STK3: variants seen among roughly 807,000 people sequenced by gnomAD.
The protein encoded by STK3 is serine/threonine kinase 3, also known as serine/threonine-protein kinase 3.
A neutral mutation model predicts 58.0 loss-of-function variants in STK3; 41 were observed. The observed-to-expected ratio is 0.71, with a 90% CI of 0.55 to 0.92. The LOEUF is 0.92. Ranked by LOEUF, STK3 falls within the 40% of genes least tolerant of loss-of-function variation. The pLI, the probability that STK3 is intolerant of heterozygous loss-of-function variation, is 0.00. For synonymous variants in STK3, 170 were observed against 191.0 expected, an observed-to-expected ratio of 0.89 and a Z score of 0.91; for missense variants, 479 against 602.7, an observed-to-expected ratio of 0.79 and a Z score of 2.15.
chr8:98,738,643 C>T (rs1313461774), intron 4 of STK3, among the ~76,000 whole-genome samples: 1 of 152,198 alleles, frequency 6.6e-6, no homozygotes, highest in African/African-American at 2.4e-5. Context: ...CTCTGGTCTA[C>T]AGCTCCCAGC....
chr8:98,365,315 A>T, the STK3 span, among the ~76,000 whole-genome samples: 2 of 152,192 alleles, frequency 1.3e-5, no homozygotes, highest in Non-Finnish European at 2.9e-5. Flanking sequence ...AAGCCAGGGG[A>T]AGAAAAGACA....
At chr8:98,610,865 G>A (rs983268063) in intron 6 of STK3, among the ~76,000 whole-genome samples, 1 of 152,150 alleles carries the variant, frequency 6.6e-6, no homozygotes, top group African/African-American at 2.4e-5. Context: ...CCTGATTCGA[G>A]TTAAAATATT....
At chr8:98,350,997 G>T in the STK3 span, among the ~76,000 whole-genome samples, 1 of 152,130 alleles carries the variant, frequency 6.6e-6, no homozygotes, top group Non-Finnish European at 1.5e-5. Context: ...GAAAAAGAAA[G>T]AAAATTAGAT....
intron 3 of STK3, among the ~76,000 whole-genome samples, chr8:98,406,168 A>G (rs1047155656): frequency 1.3e-5 from 2 of 152,206 alleles, no homozygotes; most frequent in African/African-American, 2.4e-5. Context: ...GACACACAAT[A>G]AACATCCAGT....
At chr8:98,422,771 G>T (rs921604436) in intron 3 of STK3, among the ~76,000 whole-genome samples, 1 of 152,140 alleles carries the variant, frequency 6.6e-6, no homozygotes, top group Admixed American at 6.5e-5. Flanking sequence ...ACTGACCGCC[G>T]GGTGCAGACT....
intron 1 of STK3, among the ~76,000 whole-genome samples, chr8:98,820,328 T>G (rs180870632): frequency 6.6e-6 from 1 of 152,196 alleles, no homozygotes; most frequent in Non-Finnish European, 1.5e-5. Context: ...TATGCTTCAA[T>G]AGCTTATTCT....
intron 3 of STK3, among the ~76,000 whole-genome samples, chr8:98,760,468 C>A (rs115440051): frequency 1.3e-5 from 2 of 152,100 alleles, no homozygotes; most frequent in Admixed American, 6.6e-5. Context: ...GAGGAGTAAG[C>A]AGCTATGTCT....
At chr8:98,913,367 C>G (rs1460751335) in intron 1 of STK3, among the ~76,000 whole-genome samples, 1 of 152,204 alleles carries the variant, frequency 6.6e-6, no homozygotes, top group Non-Finnish European at 1.5e-5. Context: ...ATAAAAACTT[C>G]TATAAAAGAG....
chr8:98,716,448 A>G (rs1292756822), intron 4 of STK3, among the ~76,000 whole-genome samples: 3 of 152,128 alleles, frequency 2.0e-5, no homozygotes, highest in Admixed American at 2.0e-4. Context: ...TAAAGAATAA[A>G]ATACTTAGGA....
At chr8:98,481,106 C>T (rs559453582) in intron 10 of STK3, among the ~76,000 whole-genome samples, 23 of 151,510 alleles carry the variant, frequency 1.5e-4, no homozygotes, top group South Asian at 8.3e-4. Flanking sequence ...TCTTTTGATA[C>T]GAAAAAAAGT....
chr8:98,456,795 T>A (rs1819523788), intron 10 of STK3, among the ~76,000 whole-genome samples: 1 of 152,248 alleles, frequency 6.6e-6, no homozygotes, highest in Admixed American at 6.5e-5. Flanking sequence ...TAATTGCCTT[T>A]GGTTATTTTA....
intron 6 of STK3, among the ~76,000 whole-genome samples, chr8:98,664,779 A>G (rs1222496280): frequency 6.6e-6 from 1 of 152,134 alleles, no homozygotes. Context: ...TACTGCCTAT[A>G]ATCCCAGCTA....
chr8:98,903,609 T>C (rs1838770300), intron 1 of STK3, among the ~76,000 whole-genome samples: 1 of 149,562 alleles, frequency 6.7e-6, no homozygotes, highest in Admixed American at 6.8e-5. Flanking sequence ...TGGAGTGCAG[T>C]GACACAATAG....
intron 1 of STK3, chr8:98,782,630 A>T: frequency 4.5e-6 from 1 of 223,892 alleles, no homozygotes; most frequent in Non-Finnish European, 9.2e-6. Flanking sequence ...GAGGAAATAA[A>T]GCTCCCCTTC....
At chr8:98,858,351 G>GAGAC (rs1836784100) in intron 3 of STK3, among the ~76,000 whole-genome samples, 2 of 137,342 alleles carry the variant, frequency 1.5e-5, no homozygotes, top group African/African-American at 2.7e-5. Flanking sequence ...GAGAGAGAGA[G>GAGAC]AGAGAGAGAC....
chr8:98,620,506 G>T (rs1344227678), intron 6 of STK3, among the ~76,000 whole-genome samples: 2 of 144,818 alleles, frequency 1.4e-5, no homozygotes, highest in Non-Finnish European at 1.5e-5. Context: ...AAATAAAAAG[G>T]TCAACATCAA....
chr8:98,628,598 A>G (rs961497829), intron 6 of STK3, among the ~76,000 whole-genome samples: 1 of 152,034 alleles, frequency 6.6e-6, no homozygotes, highest in African/African-American at 2.4e-5. Flanking sequence ...AGAGTTAGAA[A>G]CTAGCCTGGG....
At chr8:98,344,072 T>C in the STK3 span, among the ~76,000 whole-genome samples, 1 of 152,262 alleles carries the variant, frequency 6.6e-6, no homozygotes, top group Admixed American at 6.5e-5. Flanking sequence ...GGATGGTTAC[T>C]AAAATTACTT....
intron 1 of STK3, among the ~76,000 whole-genome samples, chr8:98,891,933 C>T (rs1564085984): frequency 6.6e-6 from 1 of 152,134 alleles, no homozygotes; most frequent in African/African-American, 2.4e-5. Flanking sequence ...AGGCCACAAA[C>T]TCTCCCAGTC....
Sources: allele counts gnomAD v4.1 joint callset (sites outside exome capture counted in the v4.1 genomes callset), GRCh38; gene constraint gnomAD v4.1.1; transcripts MANE v1.5; gene names NCBI Gene and HGNC (gene_info 2026-07-23, HGNC 2026-07-21).